The following LRMDA variants were observed in gnomAD, a reference collection of about 807,000 sequenced individuals.
The protein encoded by LRMDA is leucine rich melanocyte differentiation associated.
In LRMDA, 18 loss-of-function variants were observed where a neutral mutation model predicts 29.8. That is an observed-to-expected ratio of 0.60 (90% CI 0.42 to 0.90). The LOEUF is 0.90. LRMDA is among the 40% of genes least tolerant of loss of function. The probability of loss-of-function intolerance (pLI) is 0.00; values close to 1 mark genes in which losing one functional copy is unlikely to be tolerated. For synonymous variants in LRMDA, 125 were observed against 109.4 expected (o/e 1.14, Z -0.89); for missense variants, 273 against 273.9 (o/e 1.00, Z 0.02).
At chr10:76,197,382 A>C (rs1388411858) in intron 5 of LRMDA, among the ~76,000 whole-genome samples, 1 of 151,954 alleles carries the variant, frequency 6.6e-6, no homozygotes, top group Non-Finnish European at 1.5e-5. Context: ...ATTGCATTTC[A>C]TTTTCAGCAG....
intron 6 of LRMDA, among the ~76,000 whole-genome samples, chr10:76,379,374 TAGG>T (rs1841561947): frequency 6.6e-6 from 1 of 152,138 alleles, no homozygotes; most frequent in South Asian, 2.1e-4. Flanking sequence ...TTGTGATTGT[TAGG>T]AGATTTTTTA....
chr10:75,643,568 A>G (rs1461670403), intron 2 of LRMDA, among the ~76,000 whole-genome samples: 1 of 152,192 alleles, frequency 6.6e-6, no homozygotes, highest in African/African-American at 2.4e-5. Flanking sequence ...AGGAAATGGC[A>G]ATGTCACATT....
chr10:75,573,465 T>G (rs1394462935), intron 2 of LRMDA, among the ~76,000 whole-genome samples: 2 of 152,208 alleles, frequency 1.3e-5, no homozygotes, highest in East Asian at 3.8e-4. Flanking sequence ...TTATCTTTAT[T>G]TTATATATTC....
chr10:75,463,193 T>A (rs1342642321), intron 2 of LRMDA, among the ~76,000 whole-genome samples: 1 of 152,172 alleles, frequency 6.6e-6, no homozygotes, highest in Non-Finnish European at 1.5e-5. Flanking sequence ...GCTGGGCATG[T>A]CTTGAGTATG....
intron 2 of LRMDA, among the ~76,000 whole-genome samples, chr10:75,884,365 A>T (rs1845346878): frequency 6.6e-6 from 1 of 151,698 alleles, no homozygotes; most frequent in South Asian, 2.1e-4. Context: ...CTGAAGTAGG[A>T]TCCCATAGTC....
At chr10:76,148,467 C>T (rs373183233) in intron 5 of LRMDA, among the ~76,000 whole-genome samples, 6 of 152,168 alleles carry the variant, frequency 3.9e-5, no homozygotes, top group East Asian at 3.9e-4. Flanking sequence ...GAGCGACACA[C>T]GGTGGGCATA....
rs572888391 is a variant in LRMDA at position 75,973,068 on chromosome 10, A to G, written c.132-62940A>G. Among the ~76,000 whole-genome samples, 7 of 146,540 alleles carry G rather than the reference A, an allele frequency of 4.8e-5. No homozygotes were observed. The South Asian group carries it at 1.3e-3, about 27-fold the overall frequency. On this transcript the variant is annotated intron_variant, in intron 2 of 6. Coordinates refer to ENST00000611255, the MANE Select transcript of LRMDA (RefSeq NM_001305581.2). The stretch of plus-strand genomic sequence containing the variant: ...CAGCAGCAGCAGCAGCAGCAGCAGC[A>G]GCAGCTACTCCTGTTTACGTGTTCT...
At chr10:76,030,286 G>T (rs1480046296) in intron 2 of LRMDA, among the ~76,000 whole-genome samples, 1 of 151,946 alleles carries the variant, frequency 6.6e-6, no homozygotes, top group African/African-American at 2.4e-5. Context: ...ATGGCTATGT[G>T]ACTTGAATGG....
At chr10:76,521,911 A>G (rs1027451187) in intron 6 of LRMDA, among the ~76,000 whole-genome samples, 3 of 152,168 alleles carry the variant, frequency 2.0e-5, no homozygotes, top group Non-Finnish European at 4.4e-5. Context: ...ACCCCACAAT[A>G]TCTCCCCAAA....
intron 6 of LRMDA, among the ~76,000 whole-genome samples, chr10:76,506,921 T>C (rs1842964900): frequency 6.6e-6 from 1 of 152,108 alleles, no homozygotes; most frequent in Admixed American, 6.6e-5. Context: ...GCAACAAATA[T>C]AGGAGTACAG....
Position 75,658,406 on chromosome 10 carries a change from G to A in LRMDA, c.131+219912G>A, listed in dbSNP as rs141208428. The stretch of plus-strand genomic sequence containing the variant: ...TGTAAGACTGGAGTGTTCAGACTAG[G>A]GAAGGAAAAAGAGGGTAAATTAATT... On this transcript the variant is annotated intron_variant, in intron 2 of 6. Transcript: ENST00000611255. Among the ~76,000 whole-genome samples, 27 of 152,020 alleles carry A rather than the reference G, an allele frequency of 1.8e-4. No individual in the cohort carries two copies. The East Asian group carries it at 5.2e-3, about 29-fold the overall frequency.
At chr10:75,449,300 A>G (rs924015065) in intron 2 of LRMDA, among the ~76,000 whole-genome samples, 1 of 152,268 alleles carries the variant, frequency 6.6e-6, no homozygotes, top group Admixed American at 6.5e-5. Flanking sequence ...TCTTATCCAC[A>G]TTTCACAGAT....
chr10:76,244,082 G>A (rs1852329495), intron 5 of LRMDA, among the ~76,000 whole-genome samples: 1 of 152,134 alleles, frequency 6.6e-6, no homozygotes, highest in Non-Finnish European at 1.5e-5. Flanking sequence ...CAAGTTTATG[G>A]TAGTTTGGTG....
chr10:75,501,958 C>T (rs1177389933), intron 2 of LRMDA, among the ~76,000 whole-genome samples: 4 of 152,160 alleles, frequency 2.6e-5, no homozygotes, highest in Non-Finnish European at 5.9e-5. Flanking sequence ...TGTACCCAGC[C>T]TGTTTGTGCT....
At chr10:76,478,101 C>A (rs1336292430) in intron 6 of LRMDA, among the ~76,000 whole-genome samples, 1 of 152,142 alleles carries the variant, frequency 6.6e-6, no homozygotes, top group Non-Finnish European at 1.5e-5. Context: ...AAACTACCAT[C>A]AGAGTGAATA....
chr10:75,984,380 G>A (rs534541339), intron 2 of LRMDA, among the ~76,000 whole-genome samples: 169 of 152,320 alleles, frequency 1.1e-3, no homozygotes, highest in Non-Finnish European at 1.7e-3. Context: ...GAGTGGGAAG[G>A]AACAGTCAAG....
At chr10:75,699,088 C>A (rs1213604991) in intron 2 of LRMDA, among the ~76,000 whole-genome samples, 1 of 151,710 alleles carries the variant, frequency 6.6e-6, no homozygotes, top group African/African-American at 2.4e-5. Context: ...GTAGTCCCAG[C>A]TACTCGGGAG....
intron 5 of LRMDA, among the ~76,000 whole-genome samples, chr10:76,150,629 G>T (rs1015044572): frequency 6.6e-6 from 1 of 152,156 alleles, no homozygotes; most frequent in Non-Finnish European, 1.5e-5. Flanking sequence ...GCTTCTCTCT[G>T]GATACAGCCT....
chr10:75,784,674 G>C (rs963057864), intron 2 of LRMDA, among the ~76,000 whole-genome samples: 28 of 149,866 alleles, frequency 1.9e-4, no homozygotes, highest in Admixed American at 1.5e-3. Flanking sequence ...CTGCACTACA[G>C]CCTGGCGACA....
Sources: allele counts gnomAD v4.1 joint callset (sites outside exome capture counted in the v4.1 genomes callset), GRCh38; gene constraint gnomAD v4.1.1; transcripts MANE v1.5; gene names NCBI Gene and HGNC (gene_info 2026-07-23, HGNC 2026-07-21).